Variants in SRBD1 observed in about 807,000 individuals in gnomAD.
SRBD1 encodes S1 RNA-binding domain-containing protein 1.
A neutral mutation model predicts 115.3 loss-of-function variants in SRBD1; 88 were observed. The observed-to-expected ratio is 0.76, with a 90% confidence interval of 0.64 to 0.91. The LOEUF is 0.91. SRBD1 is among the 40% of genes least tolerant of loss of function. SRBD1 has a pLI of 0.00. For missense variants in SRBD1, 1,385 were observed against 1,177.4 expected (o/e 1.18, Z -2.58); for synonymous variants, 509 against 407.7 (o/e 1.25, Z -2.99).
chr2:45,610,527 G>A (rs1674412527), intron 1 of SRBD1, among the ~76,000 whole-genome samples: 1 of 152,232 alleles, frequency 6.6e-6, no homozygotes, highest in Non-Finnish European at 1.5e-5. Context: ...ATAGCCCAGT[G>A]CCTGGAACAC....
rs752026229 is a variant in SRBD1 at position 45,413,242 on chromosome 2, TGAAGATGTCACAG to T, written c.2372_2384del (p.Ala791GlufsTer20). On this transcript the variant is annotated frameshift_variant, in exon 19 of 21. Coordinates refer to ENST00000263736, the MANE Select transcript of SRBD1 (RefSeq NM_018079.5). LOFTEE classifies it high-confidence loss of function. Reference sequence around the variant, plus strand: ...TCTCATTTGTGACCTCAACGTCTGCTGAAGATGTCACAGCAACTCCTTGAATTTGGCCTGAAGT... The same window carrying T: ...TCTCATTTGTGACCTCAACGTCTGCTCAACTCCTTGAATTTGGCCTGAAGT... The T allele has an allele frequency of 5.6e-6, 9 of 1,613,978 alleles. No homozygotes were observed. The highest frequency in any genetic ancestry group is 1.7e-6 in the Non-Finnish European group (2 of 1,179,994).
chr2:45,452,235 T>C (rs1193233478), intron 16 of SRBD1, among the ~76,000 whole-genome samples: 1 of 151,984 alleles, frequency 6.6e-6, no homozygotes, highest in Non-Finnish European at 1.5e-5. Context: ...ACTGTTTTGA[T>C]AAAAATTTGC....
At chr2:45,546,268 A>T (rs1329001641) in intron 14 of SRBD1, 1 of 985,308 alleles carries the variant, frequency 1.0e-6, no homozygotes, top group Non-Finnish European at 1.2e-6. Context: ...TGACCAAGGG[A>T]TAAATGAGGA....
Position 45,592,406 on chromosome 2 carries a change from C to T in SRBD1, c.649-6632G>A, listed in dbSNP as rs966545304. Among the ~76,000 whole-genome samples the T allele has an allele frequency of 9.2e-5, 14 of 152,088 alleles. 1 individual carries two copies. The highest frequency in any genetic ancestry group is 1.8e-4 in the Non-Finnish European group (12 of 68,014). ...GCAGCCCACTCTAAGGGAAGAATCA[C>T]GGGAAAGGGGCTGGCCTATAAAGTC... On this transcript the variant is annotated intron_variant, in intron 4 of 20. Transcript: ENST00000263736.
intron 16 of SRBD1, among the ~76,000 whole-genome samples, chr2:45,435,222 A>C (rs765412425): frequency 2.0e-5 from 3 of 152,078 alleles, no homozygotes; most frequent in Non-Finnish European, 4.4e-5. Context: ...TGAATAGTGA[A>C]TATATGGCAA....
intron 1 of SRBD1, among the ~76,000 whole-genome samples, chr2:45,606,149 T>C (rs1401367912): frequency 1.5e-5 from 2 of 137,908 alleles, no homozygotes; most frequent in African/African-American, 2.8e-5. Context: ...AAACATTTTT[T>C]TCCTATTCTT....
At chr2:45,451,302 T>C (rs1668985363) in intron 16 of SRBD1, among the ~76,000 whole-genome samples, 1 of 152,110 alleles carries the variant, frequency 6.6e-6, no homozygotes, top group Non-Finnish European at 1.5e-5. Flanking sequence ...ACATAGATGA[T>C]GGTATCCCCT....
Position 45,413,285 on chromosome 2 carries a change from G to C in SRBD1, c.2342C>G (p.Thr781Ser). ...DYIRTFCSQQTETSGQIQGVA... is the reference protein window; with the variant it reads ...DYIRTFCSQQSETSGQIQGVA... ...TCCTTGAATTTGGCCTGAAGTTTCA[G>C]TTTGCTGACTATATAAAACCAGAAA... The change falls in exon 19 of 21, where the codon ACT becomes AGT. Residue 781 changes from threonine to serine, a missense_variant. By Grantham distance (58) the Thr-to-Ser change is moderately conservative. Coordinates refer to ENST00000263736, the MANE Select transcript of SRBD1 (RefSeq NM_018079.5). The C allele has an allele frequency of 6.2e-7, 1 of 1,612,728 alleles. No individual in the cohort carries two copies. The highest frequency in any genetic ancestry group is 8.5e-7 in the Non-Finnish European group (1 of 1,179,636).
intron 5 of SRBD1, among the ~76,000 whole-genome samples, chr2:45,582,769 TTCCCTGCCC>T (rs1233438162): frequency 6.6e-6 from 1 of 152,140 alleles, no homozygotes; most frequent in African/African-American, 2.4e-5. Context: ...ATCTTCTAGT[TTCCCTGCCC>T]CAGCCCTGGA....
intron 16 of SRBD1, among the ~76,000 whole-genome samples, chr2:45,430,427 T>C (rs13422776): frequency 0.25 from 37,674 of 152,116 alleles, 6,564 homozygotes; most frequent in African/African-American, 0.48. Context: ...AACAGCATGG[T>C]ACTGGTACCA....
At chr2:45,584,047 G>C (rs1162361849) in intron 5 of SRBD1, among the ~76,000 whole-genome samples, 2 of 152,066 alleles carry the variant, frequency 1.3e-5, no homozygotes, top group Non-Finnish European at 2.9e-5. Context: ...TCCAATTTCA[G>C]ATCCAAAACC....
At chr2:45,561,134 T>C (rs959116032) in intron 10 of SRBD1, among the ~76,000 whole-genome samples, 2 of 151,970 alleles carry the variant, frequency 1.3e-5, no homozygotes, top group South Asian at 2.1e-4. Flanking sequence ...AAAGAAACTA[T>C]ATAGAAAAAT....
intron 15 of SRBD1, among the ~76,000 whole-genome samples, chr2:45,486,421 G>C (rs1006233573): frequency 1.3e-5 from 2 of 152,040 alleles, no homozygotes; most frequent in African/African-American, 2.4e-5. Context: ...TTAAGCCTCA[G>C]TTTCCTATTT....
intron 16 of SRBD1, among the ~76,000 whole-genome samples, chr2:45,452,342 G>A (rs898278666): frequency 1.3e-5 from 2 of 151,884 alleles, no homozygotes; most frequent in South Asian, 2.1e-4. Flanking sequence ...GGTTTCACAC[G>A]CCTACTTTTA....
chr2:45,397,825 C>A (rs1667189139), intron 19 of SRBD1, among the ~76,000 whole-genome samples: 1 of 152,158 alleles, frequency 6.6e-6, no homozygotes, highest in Admixed American at 6.6e-5. Context: ...TTTCAAACTT[C>A]TGGGCTCAAG....
intron 18 of SRBD1, among the ~76,000 whole-genome samples, chr2:45,416,725 C>T (rs947244066): frequency 1.1e-4 from 16 of 152,082 alleles, no homozygotes; most frequent in African/African-American, 3.6e-4. Flanking sequence ...ACTTGAGAGG[C>T]ATCTTTTACT....
At chr2:45,464,578 G>C (rs1472063869) in intron 16 of SRBD1, among the ~76,000 whole-genome samples, 1 of 152,186 alleles carries the variant, frequency 6.6e-6, no homozygotes, top group African/African-American at 2.4e-5. Flanking sequence ...GGGAAAGAAT[G>C]TGGCATTGGT....
chr2:45,389,730 G>A, intron 20 of SRBD1, 131 bp from the exon 21 acceptor site: 1 of 907,790 alleles, frequency 1.1e-6, no homozygotes, highest in Non-Finnish European at 1.6e-6. Context: ...ATTATAAAAG[G>A]AGCTGCAGAC....
intron 15 of SRBD1, among the ~76,000 whole-genome samples, chr2:45,485,416 A>G (rs1196927852): frequency 1.3e-5 from 2 of 152,156 alleles, no homozygotes; most frequent in Non-Finnish European, 2.9e-5. Flanking sequence ...GTTTTATCTT[A>G]GTAGGTTTAT....
Sources: gnomAD v4.1 joint callset for allele counts (sites outside exome capture counted in the v4.1 genomes callset) on GRCh38, gnomAD v4.1.1 for gene constraint, MANE v1.5 for transcripts, NCBI Gene and HGNC (gene_info 2026-07-23, HGNC 2026-07-21) for gene names.